The following HVCN1 variants were observed in gnomAD, a reference collection of about 807,000 sequenced individuals.
HVCN1 encodes hydrogen voltage gated channel 1.
A neutral mutation model predicts 29.2 loss-of-function variants in HVCN1; 14 were observed. The ratio of observed to expected loss-of-function variants is 0.48; its 90% CI spans 0.32 to 0.75. The LOEUF is 0.75. Among genes scored for constraint, HVCN1 ranks in the 30% least tolerant of loss-of-function variants. The probability of loss-of-function intolerance (pLI) is 0.04; values close to 1 mark genes in which losing one functional copy is unlikely to be tolerated. For missense variants in HVCN1, 263 were observed against 341.8 expected (o/e 0.77, Z 1.82); for synonymous variants, 131 against 133.2 (o/e 0.98, Z 0.11).
intron 3 of HVCN1, among the ~76,000 whole-genome samples, chr12:110,663,565 G>A (rs2068246834): frequency 8.0e-6 from 1 of 125,652 alleles, no homozygotes; most frequent in Admixed American, 1.0e-4. Flanking sequence ...TCCAGCCTGG[G>A]CAACAGAGTG....
chr12:110,662,795 CCA>C (rs1369796340), intron 3 of HVCN1, among the ~76,000 whole-genome samples: 3 of 152,086 alleles, frequency 2.0e-5, no homozygotes, highest in East Asian at 3.9e-4. Context: ...CACTGCCCCC[CCA>C]CACACACCCT....
intron 2 of HVCN1, among the ~76,000 whole-genome samples, chr12:110,683,957 T>G (rs1258689134): frequency 6.7e-6 from 1 of 150,304 alleles, no homozygotes; most frequent in Non-Finnish European, 1.5e-5. Flanking sequence ...AATAAAGTAT[T>G]GATACTTATT....
intron 3 of HVCN1, among the ~76,000 whole-genome samples, chr12:110,669,314 C>T (rs1049320633): frequency 2.0e-5 from 3 of 152,066 alleles, no homozygotes; most frequent in Non-Finnish European, 2.9e-5. Context: ...TGCCCTGACC[C>T]TCCCTCCACC....
chr12:110,703,208 A>G (rs1286024968), intron 1 of HVCN1, among the ~76,000 whole-genome samples: 2 of 30,380 alleles, frequency 6.6e-5, no homozygotes, highest in Non-Finnish European at 1.3e-4. Context: ...TGTCTCTACC[A>G]AAAAAAAAAA....
At chr12:110,652,563 G>T (rs1011341917) in intron 5 of HVCN1, among the ~76,000 whole-genome samples, 1 of 152,116 alleles carries the variant, frequency 6.6e-6, no homozygotes, top group Non-Finnish European at 1.5e-5. Flanking sequence ...GAGGCTCACA[G>T]TGACAACATT....
chr12:110,696,542 C>G (rs1472112681), intron 2 of HVCN1, among the ~76,000 whole-genome samples: 1 of 151,860 alleles, frequency 6.6e-6, no homozygotes, highest in Non-Finnish European at 1.5e-5. Context: ...TAGCAAGACC[C>G]CATCTCTAAG....
chr12:110,692,266 C>G (rs575977071), upstream of HVCN1, among the ~76,000 whole-genome samples: 8 of 152,308 alleles, frequency 5.3e-5, no homozygotes, highest in South Asian at 1.7e-3. Flanking sequence ...TATTTGCAAT[C>G]GATGTGATTG....
chr12:110,651,151 T>C (rs1263732171), intron 6 of HVCN1, 66 bp downstream of exon 6: 2 of 1,211,010 alleles, frequency 1.7e-6, no homozygotes, highest in Non-Finnish European at 2.4e-6. Context: ...GACTGCGCAG[T>C]CAGGCCTTGG....
intron 2 of HVCN1, among the ~76,000 whole-genome samples, chr12:110,699,336 G>T (rs2069538410): frequency 6.6e-6 from 1 of 152,146 alleles, no homozygotes. Context: ...GGGAGCCAAT[G>T]GGAGAGAGAC....
intron 4 of HVCN1, among the ~76,000 whole-genome samples, chr12:110,660,501 G>A (rs138711203): frequency 8.4e-4 from 128 of 152,348 alleles, no homozygotes; most frequent in African/African-American, 2.8e-3. Flanking sequence ...CTGAGTGTTC[G>A]CAGAGTGAAC....
chr12:110,697,292 A>G (rs948586237), intron 2 of HVCN1, among the ~76,000 whole-genome samples: 23 of 152,028 alleles, frequency 1.5e-4, no homozygotes, highest in African/African-American at 5.6e-4. Context: ...GTGTTGACAA[A>G]GGGGTTCAGG....
rs150136698 is a variant in HVCN1, at chr12:110,655,705, GT to G, written c.307-368del. 3.1e-3 allele frequency among the ~76,000 whole-genome samples: 424 copies of G among 136,342 alleles called. 4 individuals are homozygous for G. Among genetic ancestry groups the G allele is most frequent in the East Asian group, 4.6e-3 (22 of 4,784 alleles). The allele number at this position is 136,342 out of a possible 152,430, so 89.4% of individuals were successfully genotyped here. A position where few individuals can be genotyped will look rare whatever the true frequency, so the allele number is the denominator to read the frequency against. The stretch of plus-strand genomic sequence containing the variant: ...ATACCTAGATGGCAACAAATAATCA[GT>G]TTTTTTTTTTTTTTTTGAGACAGAG... On this transcript the variant is annotated intron_variant, in intron 4 of 7. Coordinates refer to ENST00000242607, the MANE Select transcript of HVCN1 (RefSeq NM_032369.4).
intron 3 of HVCN1, among the ~76,000 whole-genome samples, chr12:110,665,510 CA>C (rs2068314064): frequency 6.7e-6 from 1 of 149,340 alleles, no homozygotes; most frequent in Admixed American, 6.7e-5. Context: ...GAGCCGAGAT[CA>C]TGCCATTGCA....
intron 5 of HVCN1, among the ~76,000 whole-genome samples, chr12:110,653,343 C>T (rs559014746): frequency 1.3e-5 from 2 of 152,026 alleles, no homozygotes; most frequent in South Asian, 4.1e-4. Context: ...GTCTGTGGTT[C>T]TAGCTACTCA....
intron 1 of HVCN1, among the ~76,000 whole-genome samples, chr12:110,704,208 A>C (rs1382639583): frequency 6.6e-6 from 1 of 152,180 alleles, no homozygotes; most frequent in East Asian, 1.9e-4. Flanking sequence ...TGGTTAAATA[A>C]ATGATGGTAA....
chr12:110,649,523 G>C (rs374590835), intron 7 of HVCN1, 48 bp from the exon 8 acceptor site: 1 of 1,388,938 alleles, frequency 7.2e-7, no homozygotes, highest in Non-Finnish European at 1.0e-6. Context: ...AGCCTCGCCA[G>C]GGATGTGACA....
At chr12:110,683,374 A>G in intron 2 of HVCN1, 110 bp from the exon 3 acceptor site, 1 of 1,321,934 alleles carries the variant, frequency 7.6e-7, no homozygotes, top group Non-Finnish European at 1.0e-6. Context: ...TTTAGTTTTA[A>G]CTGTGCCCGA....
chr12:110,665,863 G>A (rs981741686), intron 3 of HVCN1, among the ~76,000 whole-genome samples: 1 of 151,736 alleles, frequency 6.6e-6, no homozygotes, highest in East Asian at 1.9e-4. Context: ...AAAATTAACT[G>A]TGCATCGTGG....
At chr12:110,657,770 G>A (rs937748623) in intron 4 of HVCN1, among the ~76,000 whole-genome samples, 1 of 152,174 alleles carries the variant, frequency 6.6e-6, no homozygotes, top group Non-Finnish European at 1.5e-5. Flanking sequence ...TTCACAGGGA[G>A]TGTTGCTTCT....
Sources: gnomAD v4.1 joint callset for allele counts (sites outside exome capture counted in the v4.1 genomes callset) on GRCh38, gnomAD v4.1.1 for gene constraint, MANE v1.5 for transcripts, NCBI Gene and HGNC (gene_info 2026-07-23, HGNC 2026-07-21) for gene names.